Variants in GNB1 observed in about 807,000 individuals in gnomAD.
The protein encoded by GNB1 is guanine nucleotide-binding protein G(I)/G(S)/G(T) subunit beta-1.
GNB1 carries 2 observed loss-of-function variants against 42.9 expected under a neutral mutation model. That is an observed-to-expected ratio of 0.05 (90% CI 0.02 to 0.15). The LOEUF (loss-of-function observed/expected upper bound fraction) is 0.15. GNB1 is among the 10% of genes least tolerant of loss of function. The pLI, the probability that GNB1 is intolerant of heterozygous loss-of-function variation, is 1.00. For missense variants in GNB1, 193 were observed against 462.2 expected, an observed-to-expected ratio of 0.42 and a Z score of 5.34; for synonymous variants, 183 against 174.7, an observed-to-expected ratio of 1.05 and a Z score of -0.38.
intron 1 of GNB1, among the ~76,000 whole-genome samples, chr1:1,858,945 G>A (rs1024334594): frequency 2.2e-4 from 33 of 152,136 alleles, no homozygotes; most frequent in African/African-American, 7.2e-4. Flanking sequence ...TCTGAAGTTT[G>A]AGAAGCTGTA....
chr1:1,873,842 T>C (rs1649380658), intron 1 of GNB1, among the ~76,000 whole-genome samples: 1 of 151,724 alleles, frequency 6.6e-6, no homozygotes, highest in African/African-American at 2.4e-5. Flanking sequence ...CCGAGACTGC[T>C]GGACTGGACA....
rs1411572457 is a variant in GNB1 at position 1,839,235 on chromosome 1, T to C, written c.-92A>G. The C allele has an allele frequency of 1.3e-5, 2 of 152,176 alleles. No homozygotes were observed. The highest frequency in any genetic ancestry group is 2.4e-5 in the African/African-American group (1 of 41,434). The allele number at this position is 152,176 out of a possible 1,614,324, so 9.4% of individuals were successfully genotyped here. ...GGTCTGGTCTCCAATACATGTAAAT[T>C]TGTCTGAAACAAACAGAAAAGGCTG... On this transcript the variant is annotated 5_prime_UTR_variant, in exon 2 of 12. Coordinates refer to ENST00000378609, the MANE Select transcript of GNB1 (RefSeq NM_002074.5).
At chr1:1,789,020 CACAAG>C (rs1557879479) in intron 10 of GNB1, 28 bp downstream of exon 10, 1 of 1,463,516 alleles carries the variant, frequency 6.8e-7, no homozygotes, top group South Asian at 1.1e-5. Flanking sequence ...CGTAAATGTC[CACAAG>C]ACACAGAAAG....
intron 7 of GNB1, among the ~76,000 whole-genome samples, chr1:1,796,409 C>G (rs1646546906): frequency 6.6e-6 from 1 of 152,222 alleles, no homozygotes. Flanking sequence ...GCTCCACTGT[C>G]AGCATGGCAG....
chr1:1,819,479 C>T (rs1646901891), intron 3 of GNB1, among the ~76,000 whole-genome samples: 1 of 152,034 alleles, frequency 6.6e-6, no homozygotes, highest in African/African-American at 2.4e-5. Flanking sequence ...TCTCAGCCTC[C>T]CAAAGTGCTG....
At chr1:1,854,329 T>C (rs114226576) in intron 1 of GNB1, among the ~76,000 whole-genome samples, 12 of 152,334 alleles carry the variant, frequency 7.9e-5, no homozygotes, top group African/African-American at 1.2e-4. Flanking sequence ...TTATTCCTAC[T>C]AGTCAAGATT....
At chr1:1,820,658 A>G (rs1259540363) in intron 3 of GNB1, among the ~76,000 whole-genome samples, 3 of 152,190 alleles carry the variant, frequency 2.0e-5, no homozygotes, top group Admixed American at 6.5e-5. Flanking sequence ...TTAAAACATC[A>G]TAAGAAAATT....
chr1:1,814,294 A>C (rs1646820944), intron 5 of GNB1, among the ~76,000 whole-genome samples: 1 of 152,254 alleles, frequency 6.6e-6, no homozygotes, highest in African/African-American at 2.4e-5. Context: ...AACGGAATAC[A>C]AAGAAATACT....
chr1:1,839,090 T>C (rs996294356), intron 2 of GNB1, 100 bp downstream of exon 2: 1 of 152,148 alleles, frequency 6.6e-6, no homozygotes, highest in Non-Finnish European at 1.5e-5. Flanking sequence ...ACACTGTCTC[T>C]TTAAAAAACC....
At chr1:1,837,785 G>C (rs985422816) in intron 2 of GNB1, among the ~76,000 whole-genome samples, 2 of 151,112 alleles carry the variant, frequency 1.3e-5, no homozygotes, top group East Asian at 2.0e-4. Flanking sequence ...GGATGGTCTC[G>C]ATCTCCAGAC....
intron 2 of GNB1, among the ~76,000 whole-genome samples, chr1:1,829,841 C>T (rs1647051656): frequency 6.6e-6 from 1 of 151,930 alleles, no homozygotes; most frequent in Non-Finnish European, 1.5e-5. Flanking sequence ...CGATTTCAAG[C>T]GATTCTTTTG....
At chr1:1,799,083 G>A (rs1320214158) in intron 7 of GNB1, among the ~76,000 whole-genome samples, 3 of 152,122 alleles carry the variant, frequency 2.0e-5, no homozygotes, top group Non-Finnish European at 4.4e-5. Context: ...ACCTCGCCCG[G>A]CTAATTTTTT....
chr1:1,789,993 C>T (rs887953409), intron 9 of GNB1, among the ~76,000 whole-genome samples: 1 of 152,196 alleles, frequency 6.6e-6, no homozygotes, highest in Non-Finnish European at 1.5e-5. Flanking sequence ...ATACATCCTT[C>T]TAAGTCTCCT....
chr1:1,845,839 ACACAC>A (rs1647626601), intron 1 of GNB1, among the ~76,000 whole-genome samples: 1 of 81,706 alleles, frequency 1.2e-5, no homozygotes, highest in Non-Finnish European at 2.8e-5. Flanking sequence ...ACACACACAC[ACACAC>A]ACACACACAC....
At chr1:1,860,699 C>T (rs1268962006) in intron 1 of GNB1, among the ~76,000 whole-genome samples, 1 of 151,190 alleles carries the variant, frequency 6.6e-6, no homozygotes, top group African/African-American at 2.4e-5. Flanking sequence ...GGCAACAGAG[C>T]AAGACTCTGT....
At chr1:1,819,827 G>A (rs1473303579) in intron 3 of GNB1, among the ~76,000 whole-genome samples, 1 of 151,956 alleles carries the variant, frequency 6.6e-6, no homozygotes, top group Non-Finnish European at 1.5e-5. Flanking sequence ...ATAGGGGAGA[G>A]TTACCATGCC....
intron 4 of GNB1, chr1:1,817,555 G>A (rs976197959): frequency 3.8e-6 from 1 of 261,616 alleles, no homozygotes; most frequent in Admixed American, 5.0e-5. Flanking sequence ...CTGTTGAGGA[G>A]AGGAGCTTCA....
intron 5 of GNB1, 106 bp from the exon 6 acceptor site, chr1:1,806,644 T>G: frequency 1.5e-6 from 1 of 675,406 alleles, no homozygotes; most frequent in Non-Finnish European, 2.6e-6. Flanking sequence ...GCTCCCATGT[T>G]ACATGTGCTT....
At chr1:1,825,583 A>G (rs1056351103) in intron 2 of GNB1, 84 bp from the exon 3 acceptor site, 24 of 796,166 alleles carry the variant, frequency 3.0e-5, no homozygotes, top group Non-Finnish European at 4.8e-5. Context: ...TGAAAGTTTA[A>G]GGTGGGCGTG....
Sources: gnomAD v4.1 joint callset for allele counts (sites outside exome capture counted in the v4.1 genomes callset) on GRCh38, gnomAD v4.1.1 for gene constraint, MANE v1.5 for transcripts, NCBI Gene and HGNC (gene_info 2026-07-23, HGNC 2026-07-21) for gene names.